Variants in ORC2 observed in about 807,000 individuals in gnomAD.
The protein encoded by ORC2 is origin recognition complex protein 2 homolog.
ORC2 carries 37 observed loss-of-function variants against 77.7 expected under a neutral mutation model. The observed-to-expected ratio is 0.48, with a 90% CI of 0.37 to 0.63. The LOEUF is 0.63. Ranked by LOEUF, ORC2 falls within the 20% of genes least tolerant of loss-of-function variation. ORC2 has a pLI of 0.00. For synonymous variants in ORC2, 201 were observed against 229.5 expected (o/e 0.88, Z 1.12); for missense variants, 557 against 661.9 (o/e 0.84, Z 1.74).
Position 200,911,866 on chromosome 2 carries a change from C to T in ORC2, c.1648-479G>A, listed in dbSNP as rs2051943. On this transcript the variant is annotated intron_variant, in intron 17 of 17. Transcript: ENST00000234296. Reference sequence around the variant, plus strand: ...TGGCTATGATGGCAGTCTCCATTTCCACACTTCTCATTCAGCACAGTTTAA... The same window carrying T: ...TGGCTATGATGGCAGTCTCCATTTCTACACTTCTCATTCAGCACAGTTTAA... 9.6e-3 allele frequency among the ~76,000 whole-genome samples: 1,469 copies of T among 152,286 alleles called. 43 individuals are homozygous for T. In the East Asian group the frequency reaches 0.1, roughly 11 times the overall value.
rs556570623 is a variant in ORC2 at position 200,915,081 on chromosome 2, T to C, written c.1467-1089A>G. Among the ~76,000 whole-genome samples, 454 of 142,656 alleles carry C rather than the reference T, an allele frequency of 3.2e-3. 1 individual carries two copies. Among genetic ancestry groups the C allele is most frequent in the African/African-American group, 0.011 (421 of 38,484 alleles). The allele number at this position is 142,656 out of a possible 152,430, so 93.6% of individuals were successfully genotyped here. A position where few individuals can be genotyped will look rare whatever the true frequency, so the allele number is the denominator to read the frequency against. On this transcript the variant is annotated intron_variant, in intron 15 of 17. Transcript: ENST00000234296. ...CCCAGGCTGGAGTGCAATGGCGCGA[T>C]CTTGGCTCACCGCAACCTCTGTCTC...
At chr2:200,931,501 A>T in intron 10 of ORC2, 53 bp from the exon 11 acceptor site, 1 of 892,060 alleles carries the variant, frequency 1.1e-6, no homozygotes, top group East Asian at 2.8e-5. Flanking sequence ...ACAGACAGCA[A>T]ATCAATCCAA....
chr2:200,941,234 A>G lies in ORC2; in HGVS notation c.453+14T>C. 6.2e-7 allele frequency: 1 copy of G among 1,606,058 alleles called. No homozygotes were observed. Among genetic ancestry groups the G allele is most frequent in the Non-Finnish European group, 8.5e-7 (1 of 1,174,126 alleles). On this transcript the variant is annotated intron_variant, in intron 7 of 17. Coordinates refer to ENST00000234296, the MANE Select transcript of ORC2 (RefSeq NM_006190.5). ...TGTAACACTAAGGCTTTTGCTTTTT[A>G]GTCAATTGCTTACCTTCGGTTGAAC...
chr2:200,950,307 GGTGATAAA>G (rs991104606), intron 4 of ORC2, among the ~76,000 whole-genome samples: 1 of 152,048 alleles, frequency 6.6e-6, no homozygotes, highest in Admixed American at 6.6e-5. Context: ...CTCCAGCCTC[GGTGATAAA>G]GTGATAAAGT....
intron 15 of ORC2, among the ~76,000 whole-genome samples, chr2:200,918,681 G>C (rs1490396216): frequency 2.0e-5 from 3 of 151,834 alleles, no homozygotes; most frequent in African/African-American, 7.3e-5. Context: ...TAGAGACAGG[G>C]TTTCAGCATG....
At chr2:200,954,010 GA>G (rs1374141674) in intron 4 of ORC2, among the ~76,000 whole-genome samples, 3 of 151,512 alleles carry the variant, frequency 2.0e-5, no homozygotes, top group Non-Finnish European at 2.9e-5. Context: ...GTAGAGATGG[GA>G]TTTGGGATTT....
rs764593244 is a variant in ORC2 at position 200,920,228 on chromosome 2, T to A, written c.1460A>T (p.Asn487Ile). ...LTHVLRSLTP[N>I]ARGIFRLLIK... is the part of the protein sequence containing the mutation. Reference sequence around the variant, plus strand: ...ATATGGTTTTCATCCTTACCTTGCATTAGGGGTAAGGCTTCGTAAGACATG... The same window carrying A: ...ATATGGTTTTCATCCTTACCTTGCAATAGGGGTAAGGCTTCGTAAGACATG... Residue 487 changes from asparagine to isoleucine, a missense_variant, in exon 15 of 18, where the codon AAT (asparagine) becomes ATT (isoleucine). Coordinates refer to ENST00000234296, the MANE Select transcript of ORC2 (RefSeq NM_006190.5). 1 of 1,608,470 alleles carries A rather than the reference T, an allele frequency of 6.2e-7. No individual in the cohort carries two copies. The highest frequency in any genetic ancestry group is 2.2e-5 in the East Asian group (1 of 44,816).
intron 7 of ORC2, among the ~76,000 whole-genome samples, chr2:200,938,410 A>T (rs2041086466): frequency 6.6e-6 from 1 of 152,224 alleles, no homozygotes; most frequent in Admixed American, 6.5e-5. Flanking sequence ...TGTATATGGC[A>T]ATGGGCCTTT....
intron 17 of ORC2, among the ~76,000 whole-genome samples, chr2:200,911,927 AG>A (rs1480627493): frequency 6.6e-5 from 10 of 152,218 alleles, no homozygotes; most frequent in Non-Finnish European, 1.2e-4. Flanking sequence ...TCGTTTGCTT[AG>A]ACCATCAGGA....
intron 15 of ORC2, among the ~76,000 whole-genome samples, chr2:200,915,975 G>T (rs976721476): frequency 2.6e-5 from 4 of 152,152 alleles, no homozygotes; most frequent in African/African-American, 9.7e-5. Context: ...GATTATAGGA[G>T]TGAGCCACCG....
intron 6 of ORC2, among the ~76,000 whole-genome samples, chr2:200,942,011 G>GA (rs750731375): frequency 4.5e-4 from 63 of 139,834 alleles, no homozygotes; most frequent in African/African-American, 7.3e-4. Context: ...CAAAAAAAAA[G>GA]AAAAAAAAAA....
Position 200,909,248 on chromosome 2 carries a change from A to T in ORC2, c.*2053T>A, listed in dbSNP as rs949928291. ...CATATGCATAGACGATATCTGGAAG[A>T]ATACTTAAGAAAATGCTATCAGTGG... On this transcript the variant is annotated 3_prime_UTR_variant, in exon 18 of 18. Coordinates refer to ENST00000234296, the MANE Select transcript of ORC2 (RefSeq NM_006190.5). The T allele has an allele frequency of 2.0e-5, 3 of 152,226 alleles. No individual in the cohort carries two copies. Among genetic ancestry groups the T allele is most frequent in the African/African-American group, 7.2e-5 (3 of 41,464 alleles). 9.4% of individuals were successfully genotyped at this position (152,226 alleles called of 1,614,324 possible).
rs2040845783 is a variant in ORC2, at chr2:200,926,855, ATC to A, written c.961_962del (p.Asp321PhefsTer60). On this transcript the variant is annotated frameshift_variant, in exon 12 of 18. Coordinates refer to ENST00000234296, the MANE Select transcript of ORC2 (RefSeq NM_006190.5). LOFTEE classifies it high-confidence loss of function. The stretch of plus-strand genomic sequence containing the variant: ...TAGTGGTTCGAAACCTTTCTAGTAA[ATC>A]TCTCTTAGAACCCAAACCATAAAGC... ...IVLYGLGSKR[D>X]LLERFRTTML... 6.2e-7 allele frequency: 1 copy of A among 1,613,828 alleles called. No individual in the cohort carries two copies. The highest frequency in any genetic ancestry group is 8.5e-7 in the Non-Finnish European group (1 of 1,179,770).
intron 1 of ORC2, among the ~76,000 whole-genome samples, chr2:200,960,233 C>G (rs1240819396): frequency 6.6e-6 from 1 of 152,082 alleles, no homozygotes; most frequent in Non-Finnish European, 1.5e-5. Context: ...CCACCTCTAC[C>G]TCCCAAACTG....
chr2:200,927,111 A>T (rs1305677341), intron 11 of ORC2, among the ~76,000 whole-genome samples: 1 of 151,572 alleles, frequency 6.6e-6, no homozygotes, highest in Admixed American at 6.6e-5. Flanking sequence ...TTTTTGAGAC[A>T]GAGTCACTCT....
intron 7 of ORC2, among the ~76,000 whole-genome samples, chr2:200,939,183 A>G (rs2041102784): frequency 6.6e-6 from 1 of 152,290 alleles, no homozygotes; most frequent in East Asian, 1.9e-4. Context: ...ACGTGTATAT[A>G]TAACTAAAAA....
At chr2:200,937,323 T>A (rs2041065360) in intron 8 of ORC2, among the ~76,000 whole-genome samples, 1 of 152,240 alleles carries the variant, frequency 6.6e-6, no homozygotes, top group East Asian at 1.9e-4. Context: ...TCATTTAGCA[T>A]TACCAATTTT....
intron 7 of ORC2, among the ~76,000 whole-genome samples, chr2:200,940,617 C>T (rs1448427424): frequency 2.6e-5 from 4 of 151,692 alleles, no homozygotes; most frequent in African/African-American, 9.7e-5. Flanking sequence ...GCCTGGCCAA[C>T]ATGGTGAAGC....
rs775426037 is a variant in ORC2 at position 200,957,520 on chromosome 2, G to A, written c.119C>T (p.Ala40Val). ...EGGAKLKKERAQLLVNPKKII... is the reference protein window; with the variant it reads ...EGGAKLKKERVQLLVNPKKII... ...TTTTTTGGGGTTGACCAAAAGCTGC[G>A]CTCGCTCCTTCTTCAATTTAGCTCC... Residue 40 changes from alanine to valine, a missense_variant, in exon 4 of 18, where the codon GCG becomes GTG. Ala to Val is a moderately conservative substitution (Grantham distance 64, BLOSUM62 0). Coordinates refer to ENST00000234296, the MANE Select transcript of ORC2 (RefSeq NM_006190.5). 23 of 1,605,096 alleles carry A rather than the reference G, an allele frequency of 1.4e-5. 1 individual carries two copies. Among genetic ancestry groups the A allele is most frequent in the Middle Eastern group, 1.7e-4 (1 of 6,024 alleles).
Sources: gnomAD v4.1 joint callset for allele counts (sites outside exome capture counted in the v4.1 genomes callset) on GRCh38, gnomAD v4.1.1 for gene constraint, MANE v1.5 for transcripts, NCBI Gene and HGNC (gene_info 2026-07-23, HGNC 2026-07-21) for gene names.